NEGR1: variants seen among roughly 807,000 people sequenced by gnomAD.
The protein encoded by NEGR1 is neuronal growth regulator 1, also known as IgLON family member 4.
A neutral mutation model predicts 40.9 loss-of-function variants in NEGR1; 10 were observed. The observed-to-expected ratio is 0.24, with a 90% CI of 0.15 to 0.42. The LOEUF (loss-of-function observed/expected upper bound fraction) is 0.42, where lower values mean the gene tolerates loss of function less well. Among genes scored for constraint, NEGR1 ranks in the 10% least tolerant of loss-of-function variants. The probability of loss-of-function intolerance (pLI) is 1.00; values close to 1 mark genes in which losing one functional copy is unlikely to be tolerated. For synonymous variants in NEGR1, 185 were observed against 166.8 expected (o/e 1.11, Z -0.84); for missense variants, 352 against 438.9 (o/e 0.80, Z 1.77).
chr1:72,230,580 TC>T (rs1300945227), intron 1 of NEGR1, among the ~76,000 whole-genome samples: 1 of 152,130 alleles, frequency 6.6e-6, no homozygotes, highest in Non-Finnish European at 1.5e-5. Context: ...ATCTCAAATG[TC>T]CTTCTCAAAT....
At chr1:72,281,368 G>A (rs1403346289) in intron 1 of NEGR1, among the ~76,000 whole-genome samples, 2 of 152,180 alleles carry the variant, frequency 1.3e-5, no homozygotes, top group African/African-American at 4.8e-5. Context: ...GAATGTGGAA[G>A]TGGTTCTTAC....
At chr1:71,522,540 T>C (rs1647166490) in intron 6 of NEGR1, among the ~76,000 whole-genome samples, 1 of 151,858 alleles carries the variant, frequency 6.6e-6, no homozygotes, top group Non-Finnish European at 1.5e-5. Flanking sequence ...GTGCTATGAA[T>C]GAAATACAAA....
intron 1 of NEGR1, among the ~76,000 whole-genome samples, chr1:72,075,631 A>G (rs952505644): frequency 1.3e-5 from 2 of 152,168 alleles, no homozygotes; most frequent in Non-Finnish European, 2.9e-5. Flanking sequence ...AATGAATGCT[A>G]CAGATGACTA....
intron 2 of NEGR1, among the ~76,000 whole-genome samples, chr1:71,823,404 T>C (rs1239090338): frequency 2.0e-5 from 3 of 151,922 alleles, no homozygotes; most frequent in Non-Finnish European, 4.4e-5. Flanking sequence ...TCATTTTGGG[T>C]AGAAGAAACT....
intron 2 of NEGR1, among the ~76,000 whole-genome samples, chr1:71,917,698 T>C (rs1486648434): frequency 6.8e-6 from 1 of 147,208 alleles, no homozygotes; most frequent in South Asian, 2.2e-4. Flanking sequence ...GAGAATGGCG[T>C]GAACCCGGGA....
chr1:72,182,849 A>AGAAGG, intron 1 of NEGR1, among the ~76,000 whole-genome samples: 2 of 5,818 alleles, frequency 3.4e-4, no homozygotes, highest in Middle Eastern at 0.1. Context: ...TATAGTTAAT[A>AGAAGG]AAAGACCCAT....
intron 2 of NEGR1, among the ~76,000 whole-genome samples, chr1:71,808,979 T>A (rs1159426521): frequency 6.6e-6 from 1 of 152,202 alleles, no homozygotes; most frequent in Non-Finnish European, 1.5e-5. Flanking sequence ...TATGTGGTTT[T>A]ATTTTTCCAT....
At chr1:72,143,901 ATATGATATATATAATATAT>A (rs1650787342) in intron 1 of NEGR1, among the ~76,000 whole-genome samples, 2 of 82,948 alleles carry the variant, frequency 2.4e-5, no homozygotes, top group African/African-American at 9.4e-5. Flanking sequence ...TATATTATAT[ATATGATATATATAATATAT>A]ATATATATAT....
At position 72,172,301 on chromosome 1, in the gene NEGR1, A is replaced by G. The variant is rs143390661; in HGVS notation, c.176+110018T>C. On this transcript the variant is annotated intron_variant, in intron 1 of 6. Coordinates refer to ENST00000357731, the MANE Select transcript of NEGR1 (RefSeq NM_173808.3). ...AATTTTGTCATTAGAACCAAACACC[A>G]TTGTTGGCAGCTACTTCCATTTGCC... Among the ~76,000 whole-genome samples, 1,075 of 152,262 alleles carry G rather than the reference A, an allele frequency of 7.1e-3. 10 individuals are homozygous for G. The highest frequency in any genetic ancestry group is 0.024 in the African/African-American group (1,007 of 41,566).
intron 6 of NEGR1, among the ~76,000 whole-genome samples, chr1:71,501,238 T>C (rs1646997093): frequency 6.6e-6 from 1 of 152,148 alleles, no homozygotes; most frequent in Non-Finnish European, 1.5e-5. Flanking sequence ...TTTAATAACT[T>C]GGCATATATA....
At chr1:71,455,062 C>T (rs1646662623) in intron 6 of NEGR1, among the ~76,000 whole-genome samples, 1 of 152,120 alleles carries the variant, frequency 6.6e-6, no homozygotes, top group East Asian at 1.9e-4. Context: ...ATTTTGAATA[C>T]TAATTGGAAA....
intron 6 of NEGR1, among the ~76,000 whole-genome samples, chr1:71,503,395 C>T (rs1399266480): frequency 6.6e-6 from 1 of 151,974 alleles, no homozygotes; most frequent in Non-Finnish European, 1.5e-5. Flanking sequence ...GCCCTGAGAC[C>T]CCCTACAATG....
intron 2 of NEGR1, among the ~76,000 whole-genome samples, chr1:71,930,042 GT>G (rs750863714): frequency 6.6e-6 from 1 of 152,106 alleles, no homozygotes; most frequent in African/African-American, 2.4e-5. Context: ...AATAATATTT[GT>G]GGAGTTTTGC....
At chr1:72,205,132 G>A (rs772314817) in intron 1 of NEGR1, among the ~76,000 whole-genome samples, 3 of 151,762 alleles carry the variant, frequency 2.0e-5, no homozygotes, top group Non-Finnish European at 2.9e-5. Context: ...ATCTTATTTC[G>A]GGAAAAAAGC....
intron 2 of NEGR1, among the ~76,000 whole-genome samples, chr1:71,914,356 AC>A (rs1481816817): frequency 1.3e-5 from 2 of 152,308 alleles, no homozygotes; most frequent in East Asian, 3.9e-4. Context: ...ATCAAACTTA[AC>A]CTTTTTGGAT....
chr1:72,252,852 T>C (rs999932272), intron 1 of NEGR1, among the ~76,000 whole-genome samples: 2 of 152,210 alleles, frequency 1.3e-5, no homozygotes, highest in Non-Finnish European at 2.9e-5. Context: ...CATATCATTC[T>C]GTTCACACCT....
chr1:71,949,121 G>A (rs1049869433), intron 1 of NEGR1, among the ~76,000 whole-genome samples: 2 of 152,102 alleles, frequency 1.3e-5, no homozygotes, highest in African/African-American at 4.8e-5. Flanking sequence ...GAGGAATTTA[G>A]GGACTAAATT....
chr1:71,440,789 A>T (rs1475074716), intron 6 of NEGR1, among the ~76,000 whole-genome samples: 1 of 152,252 alleles, frequency 6.6e-6, no homozygotes, highest in Admixed American at 6.5e-5. Context: ...TGTCATTGAA[A>T]TTAAAATTGT....
At chr1:71,806,434 T>C (rs1292324766) in intron 2 of NEGR1, among the ~76,000 whole-genome samples, 2 of 151,984 alleles carry the variant, frequency 1.3e-5, no homozygotes, top group African/African-American at 4.8e-5. Context: ...AATGAGTGTG[T>C]AGGTCTATAA....
Sources: allele counts gnomAD v4.1 joint callset (sites outside exome capture counted in the v4.1 genomes callset), GRCh38; gene constraint gnomAD v4.1.1; transcripts MANE v1.5; gene names NCBI Gene and HGNC (gene_info 2026-07-23, HGNC 2026-07-21).